Variants in DNAH10 observed in about 807,000 individuals in gnomAD.
The protein encoded by DNAH10 is dynein axonemal heavy chain 10.
A neutral mutation model predicts 506.6 loss-of-function variants in DNAH10; 348 were observed. That is an observed-to-expected ratio of 0.69 (90% CI 0.63 to 0.75). The LOEUF (loss-of-function observed/expected upper bound fraction) is 0.75, where lower values mean the gene tolerates loss of function less well. Ranked by LOEUF, DNAH10 falls within the 30% of genes least tolerant of loss-of-function variation. The probability of loss-of-function intolerance (pLI) is 0.00; values close to 1 mark genes in which losing one functional copy is unlikely to be tolerated. For synonymous variants in DNAH10, 2,059 were observed against 2,198.6 expected (o/e 0.94, Z 1.78); for missense variants, 5,179 against 5,787.1 (o/e 0.89, Z 3.41).
chr12:123,787,774 C>T lies in DNAH10; in HGVS notation c.1422-30C>T, dbSNP rs1465388861. ...GGCTCGGACCCGGAGCTCCGCCCTC[C>T]TCCCATCACGGCATCTCTTGGCTTC... is the stretch of plus-strand genomic sequence containing the variant. On this transcript the variant is annotated intron_variant, in intron 9 of 78. Transcript: ENST00000673944. The surrounding 1 kb of genome is among the most constrained non-coding windows in gnomAD (Gnocchi z 4.6). The T allele has an allele frequency of 1.9e-6, 3 of 1,604,478 alleles. No homozygotes were observed. The highest frequency in any genetic ancestry group is 1.7e-4 in the Middle Eastern group (1 of 5,962).
At chr12:123,844,883 C>A (rs1324804090) in intron 30 of DNAH10, among the ~76,000 whole-genome samples, 2 of 152,140 alleles carry the variant, frequency 1.3e-5, no homozygotes, top group African/African-American at 4.8e-5. Flanking sequence ...AAGCAATCTG[C>A]CCCAGCTTGG....
At chr12:123,851,374 C>G (rs1268693795) in intron 35 of DNAH10, among the ~76,000 whole-genome samples, 16 of 148,568 alleles carry the variant, frequency 1.1e-4, no homozygotes, top group African/African-American at 3.0e-4. Flanking sequence ...CTCCATGTGG[C>G]TCTTCCAGAC....
In DNAH10 at chr12:123,902,756, C is replaced by T. The variant is rs564566507; in HGVS notation, c.9641-183C>T. The stretch of plus-strand genomic sequence containing the variant: ...CAGGGTGGCTGCCTAGTGCTGGAGG[C>T]CCCACGCATGGTGAGGTTTTCTGTC... On this transcript the variant is annotated intron_variant, in intron 56 of 78. Transcript: ENST00000673944. This position sits in a 1 kb window ranked among gnomAD's most constrained non-coding sequence, Gnocchi z 4.5. Among the ~76,000 whole-genome samples the T allele has an allele frequency of 6.6e-6, 1 of 152,244 alleles. No individual in the cohort carries two copies. The highest frequency in any genetic ancestry group is 2.4e-5 in the African/African-American group (1 of 41,548).
rs1211363571 is a variant in DNAH10 at position 123,931,965 on chromosome 12, A to G, written c.13153A>G (p.Ser4385Gly). Residue 4385 changes from serine to glycine, a missense_variant, in exon 76 of 79, where the codon AGC becomes GGC. By Grantham distance (56) the Ser-to-Gly change is moderately conservative (BLOSUM62 0). Coordinates refer to ENST00000673944, the MANE Select transcript of DNAH10 (RefSeq NM_001372106.1). ...QRALAGEVGM[S>G]NELDDVARSL... ...GGCCTTGGCTGGAGAAGTTGGAATG[A>G]GCAATGAGTTAGATGATGTGGCCAG... 2 of 1,614,056 alleles carry G rather than the reference A, an allele frequency of 1.2e-6. No individual in the cohort carries two copies.
intron 38 of DNAH10, among the ~76,000 whole-genome samples, chr12:123,859,469 C>G (rs1411669078): frequency 6.6e-6 from 1 of 152,144 alleles, no homozygotes; most frequent in African/African-American, 2.4e-5. Context: ...AAATAGCAAC[C>G]CGCTTGTGCA....
chr12:123,818,682 G>A (rs1344569873), intron 21 of DNAH10, among the ~76,000 whole-genome samples: 3 of 151,830 alleles, frequency 2.0e-5, no homozygotes, highest in African/African-American at 4.8e-5. Flanking sequence ...CAGTCTCACT[G>A]TGTTGCCCAG....
rs1019450402 is a variant in DNAH10, at chr12:123,833,320, G to A, written c.4752G>A (p.Thr1584=). ...FLQTVHKWEK[T]LSLIGEVIEI... ...AAACTGTTCACAAATGGGAAAAAAC[G>A]CTTTCTCTAATAGGGGAAGTCATTG... is the stretch of plus-strand genomic sequence containing the variant. The change falls in exon 27 of 79, where the codon ACG becomes ACA. Residue 1584 remains threonine, a synonymous_variant. Transcript: ENST00000673944. 71 of 1,612,684 alleles carry A rather than the reference G, an allele frequency of 4.4e-5. No individual in the cohort carries two copies. The East Asian group carries it at 1.0e-3, about 23-fold the overall frequency.
chr12:123,841,233 G>T, intron 29 of DNAH10, 89 bp from the exon 30 acceptor site: 2 of 1,381,984 alleles, frequency 1.4e-6, no homozygotes, highest in South Asian at 1.2e-5. Context: ...CTTGCATCGT[G>T]GCAGCTCTGC....
At position 123,928,386 on chromosome 12, in the gene DNAH10, G is replaced by A. The variant is rs1297485605; in HGVS notation, c.12106-1G>A. The stretch of plus-strand genomic sequence containing the variant: ...CTCCTCTTCCCTCTCCCCCGGCGCA[G>A]GTGGCCCTGCAGCTGCTGGAGACGG... On this transcript the variant is annotated splice_acceptor_variant, in intron 69 of 78. Transcript: ENST00000673944. LOFTEE classifies it high-confidence loss of function. The surrounding 1 kb of genome is among the most constrained non-coding windows in gnomAD (Gnocchi z 4.9). 6.3e-7 allele frequency: 1 copy of A among 1,592,398 alleles called. No individual in the cohort carries two copies. The highest frequency in any genetic ancestry group is 1.8e-5 in the Admixed American group (1 of 56,860).
Position 123,781,286 on chromosome 12 carries a change from G to A in DNAH10, c.828G>A (p.Met276Ile), listed in dbSNP as rs1407105041. The change falls in exon 6 of 79, where the codon ATG becomes ATA. Residue 276 changes from methionine (M) to isoleucine (I), a missense_variant. By Grantham distance (10) the Met-to-Ile change is conservative. Coordinates refer to ENST00000673944, the MANE Select transcript of DNAH10 (RefSeq NM_001372106.1). ...QKFASNIQRT[M>I]QQLEGEIKLE... ...TTGCAAGTAATATTCAAAGAACCAT[G>A]CAGCAACTTGAAGGTAAGGTTTCAT... The A allele has an allele frequency of 4.3e-6, 7 of 1,611,152 alleles. No individual in the cohort carries two copies. In the African/African-American group the frequency reaches 8.0e-5, roughly 18 times the overall value.
intron 19 of DNAH10, among the ~76,000 whole-genome samples, chr12:123,809,187 C>T (rs957581543): frequency 1.3e-5 from 2 of 152,130 alleles, no homozygotes; most frequent in Non-Finnish European, 2.9e-5. Context: ...CAGCCCTGCC[C>T]GGCTCACATC....
intron 50 of DNAH10, among the ~76,000 whole-genome samples, chr12:123,880,477 C>G (rs1594273344): frequency 6.6e-6 from 1 of 151,792 alleles, no homozygotes; most frequent in Admixed American, 6.6e-5. Flanking sequence ...GTAGCCGGGA[C>G]TATGGGCACA....
chr12:123,892,860 C>T (rs564485546), intron 52 of DNAH10, among the ~76,000 whole-genome samples: 3 of 152,318 alleles, frequency 2.0e-5, no homozygotes, highest in African/African-American at 7.2e-5. Context: ...GTAGCAACCT[C>T]CCTTGCAACA....
intron 16 of DNAH10, among the ~76,000 whole-genome samples, chr12:123,802,660 C>T (rs1051082313): frequency 6.6e-6 from 1 of 151,010 alleles, no homozygotes; most frequent in Non-Finnish European, 1.5e-5. Context: ...GGCGGCTGTG[C>T]CATTTTACAT....
chr12:123,919,031 A>C lies in DNAH10; in HGVS notation c.11506+82A>C, dbSNP rs1319425562. 4.9e-6 allele frequency: 7 copies of C among 1,422,272 alleles called. No homozygotes were observed. The highest frequency in any genetic ancestry group is 2.9e-5 in the African/African-American group (2 of 69,672). The allele number at this position is 1,422,272 out of a possible 1,614,324, so 88.1% of individuals were successfully genotyped here. A position where few individuals can be genotyped will look rare whatever the true frequency, so the allele number is the denominator to read the frequency against. On this transcript the variant is annotated intron_variant, in intron 65 of 78. Coordinates refer to ENST00000673944, the MANE Select transcript of DNAH10 (RefSeq NM_001372106.1). This position sits in a 1 kb window ranked among gnomAD's most constrained non-coding sequence, Gnocchi z 4.9. ...CTTTAAGGAAACGTGATCTGTGAAA[A>C]TGGAAAGTTACCAAATAGCATTTTT... is the stretch of plus-strand genomic sequence containing the variant.
chr12:123,872,616 C>T (rs554672939), intron 45 of DNAH10, among the ~76,000 whole-genome samples: 2 of 150,814 alleles, frequency 1.3e-5, no homozygotes, highest in South Asian at 2.1e-4. Flanking sequence ...GTCCCCAGAC[C>T]GGCAGCCTTG....
intron 39 of DNAH10, among the ~76,000 whole-genome samples, chr12:123,862,457 A>G (rs1388757255): frequency 6.6e-6 from 1 of 151,704 alleles, no homozygotes; most frequent in African/African-American, 2.4e-5. Flanking sequence ...TCACATGATC[A>G]CGGCTCACTG....
intron 38 of DNAH10, among the ~76,000 whole-genome samples, chr12:123,860,662 T>G (rs1951576285): frequency 6.6e-6 from 1 of 152,218 alleles, no homozygotes; most frequent in Non-Finnish European, 1.5e-5. Context: ...TGGTCTCCTA[T>G]ACGCCCTTAA....
chr12:123,776,074 C>G (rs960929696), intron 5 of DNAH10, among the ~76,000 whole-genome samples: 19 of 152,158 alleles, frequency 1.2e-4, no homozygotes, highest in African/African-American at 4.3e-4. Flanking sequence ...GGGGTAACCT[C>G]CCCCATCATT....
Sources: allele counts gnomAD v4.1 joint callset (sites outside exome capture counted in the v4.1 genomes callset), GRCh38; gene constraint gnomAD v4.1.1; non-coding constraint Gnocchi (gnomAD v3.1); transcripts MANE v1.5; gene names NCBI Gene and HGNC (gene_info 2026-07-23, HGNC 2026-07-21).